Variants in TYW1 observed in about 807,000 individuals in gnomAD.
TYW1 encodes tRNA-yW synthesizing protein 1 homolog.
In TYW1, 46 loss-of-function variants were observed where a neutral mutation model predicts 96.2. The ratio of observed to expected loss-of-function variants is 0.48; its 90% CI spans 0.38 to 0.61. The LOEUF is 0.61. Among genes scored for constraint, TYW1 ranks in the 20% least tolerant of loss-of-function variants. TYW1 has a pLI of 0.00. For synonymous variants in TYW1, 274 were observed against 323.0 expected (o/e 0.85, Z 1.63); for missense variants, 684 against 909.6 (o/e 0.75, Z 3.19).
intron 4 of TYW1, among the ~76,000 whole-genome samples, chr7:67,013,484 T>A (rs572950352): frequency 6.6e-6 from 1 of 152,034 alleles, no homozygotes; most frequent in Non-Finnish European, 1.5e-5. Context: ...GTAATGGACC[T>A]AGAACATGGT....
intron 12 of TYW1, among the ~76,000 whole-genome samples, chr7:67,112,100 C>CAAAAAAAAAAAAAAAAAAAAAA (rs538839042): frequency 4.4e-4 from 42 of 94,860 alleles, no homozygotes; most frequent in Admixed American, 2.9e-3. Context: ...CTCTGTCTGA[C>CAAAAAAAAAAAAAAAAAAAAAA]AAAAAAAAAA....
chr7:67,097,705 G>GT (rs1231753203), intron 11 of TYW1, among the ~76,000 whole-genome samples: 5 of 151,056 alleles, frequency 3.3e-5, no homozygotes, highest in African/African-American at 1.2e-4. Flanking sequence ...GCCTATTTTT[G>GT]TTTTTTGAGA....
At chr7:67,109,525 A>G (rs372384818) in intron 12 of TYW1, among the ~76,000 whole-genome samples, 1 of 152,196 alleles carries the variant, frequency 6.6e-6, no homozygotes, top group African/African-American at 2.4e-5. Flanking sequence ...CATCTCAGTA[A>G]GAAAAAAGAG....
intron 13 of TYW1, among the ~76,000 whole-genome samples, chr7:67,147,367 T>A (rs373749977): frequency 6.6e-6 from 1 of 152,128 alleles, no homozygotes; most frequent in Admixed American, 6.6e-5. Context: ...GGTTCCTGGA[T>A]CCATTCCCCC....
At chr7:67,094,850 C>CT (rs1796844166) in intron 11 of TYW1, among the ~76,000 whole-genome samples, 1 of 152,030 alleles carries the variant, frequency 6.6e-6, no homozygotes, top group Non-Finnish European at 1.5e-5. Flanking sequence ...AGATCATTCT[C>CT]TATCTATGAG....
intron 6 of TYW1, among the ~76,000 whole-genome samples, chr7:67,020,116 CTA>C (rs1386790341): frequency 1.3e-5 from 2 of 152,294 alleles, no homozygotes; most frequent in Non-Finnish European, 2.9e-5. Context: ...AGGCTCATGC[CTA>C]TAATCCCAAC....
intron 15 of TYW1, among the ~76,000 whole-genome samples, chr7:67,196,098 C>T (rs1800385002): frequency 6.6e-6 from 1 of 151,982 alleles, no homozygotes; most frequent in East Asian, 1.9e-4. Context: ...GTCTCTCCAT[C>T]TCTCCATATT....
chr7:67,026,258 A>G (rs1794450386), intron 7 of TYW1, among the ~76,000 whole-genome samples: 1 of 152,066 alleles, frequency 6.6e-6, no homozygotes, highest in Admixed American at 6.6e-5. Flanking sequence ...TTTTTAGTAG[A>G]GACGGGATTT....
At position 67,035,987 on chromosome 7, in the gene TYW1, T is replaced by C. The variant is rs562151379; in HGVS notation, c.984+10965T>C. Among the ~76,000 whole-genome samples, 215 of 150,618 alleles carry C rather than the reference T, an allele frequency of 1.4e-3. 1 individual carries two copies. Among genetic ancestry groups the C allele is most frequent in the African/African-American group, 4.9e-3 (205 of 41,458 alleles). ...CCACTGTGCCCGGCCGGTTCTATTG[T>C]TCTTAAGTCCAAGGCTCCCATTGTC... On this transcript the variant is annotated intron_variant, in intron 7 of 15. Coordinates refer to ENST00000359626, the MANE Select transcript of TYW1 (RefSeq NM_018264.4).
chr7:67,214,443 G>C (rs1459339157), intron 15 of TYW1, among the ~76,000 whole-genome samples: 1 of 152,038 alleles, frequency 6.6e-6, no homozygotes, highest in Non-Finnish European at 1.5e-5. Flanking sequence ...CATGTCATCT[G>C]TACACAGAGA....
At chr7:67,058,615 T>C (rs1795603110) in intron 9 of TYW1, among the ~76,000 whole-genome samples, 1 of 151,944 alleles carries the variant, frequency 6.6e-6, no homozygotes, top group Admixed American at 6.6e-5. Context: ...TCCCAAGTAG[T>C]GTGCCACCAT....
intron 7 of TYW1, among the ~76,000 whole-genome samples, chr7:67,034,041 GA>G (rs566971648): frequency 9.8e-4 from 149 of 151,340 alleles, no homozygotes; most frequent in Non-Finnish European, 2.0e-3. Flanking sequence ...ATATGTCTTT[GA>G]AAATTTTTAA....
At chr7:67,222,858 CTT>C (rs1443806864) in intron 15 of TYW1, among the ~76,000 whole-genome samples, 1 of 101,546 alleles carries the variant, frequency 9.8e-6, no homozygotes, top group Non-Finnish European at 2.0e-5. Context: ...TCTCTGTTCG[CTT>C]TTTTTCTTTT....
chr7:67,235,912 A>AAAAAAAAG (rs145983901), intron 15 of TYW1, among the ~76,000 whole-genome samples: 1 of 142,540 alleles, frequency 7.0e-6, no homozygotes, highest in Non-Finnish European at 1.5e-5. Context: ...AAAAAAAAAG[A>AAAAAAAAG]AAAAGAGGTG....
At chr7:67,154,888 TA>T (rs924875839) in intron 13 of TYW1, among the ~76,000 whole-genome samples, 1 of 152,110 alleles carries the variant, frequency 6.6e-6, no homozygotes, top group Non-Finnish European at 1.5e-5. Context: ...TTATCTTTTT[TA>T]AAAAAAATCC....
chr7:67,027,044 A>T (rs1372413937), intron 7 of TYW1, among the ~76,000 whole-genome samples: 1 of 152,004 alleles, frequency 6.6e-6, no homozygotes, highest in African/African-American at 2.4e-5. Flanking sequence ...ACAAGAAATA[A>T]AAAAAATTAG....
chr7:67,016,319 G>A (rs796627283), intron 5 of TYW1, among the ~76,000 whole-genome samples: 3 of 151,026 alleles, frequency 2.0e-5, no homozygotes, highest in Non-Finnish European at 4.4e-5. Flanking sequence ...AGGCAGAGGC[G>A]GGCGGATCAC....
intron 8 of TYW1, among the ~76,000 whole-genome samples, chr7:67,053,618 G>A (rs1795430729): frequency 6.6e-6 from 1 of 152,164 alleles, no homozygotes; most frequent in Non-Finnish European, 1.5e-5. Flanking sequence ...GACCTCAGGT[G>A]ATCCACCCGC....
chr7:67,205,516 C>T (rs532283809), intron 15 of TYW1, among the ~76,000 whole-genome samples: 2,644 of 144,846 alleles, frequency 0.018, 40 homozygotes, highest in South Asian at 0.05. Flanking sequence ...AGTCCAGGCT[C>T]CCTGTGTAGT....
Sources: gnomAD v4.1 joint callset for allele counts (sites outside exome capture counted in the v4.1 genomes callset) on GRCh38, gnomAD v4.1.1 for gene constraint, MANE v1.5 for transcripts, NCBI Gene and HGNC (gene_info 2026-07-23, HGNC 2026-07-21) for gene names.